COMT: variants seen among roughly 807,000 people sequenced by gnomAD.
The protein encoded by COMT is catechol-O-methyltransferase, also known as catechol O-methyltransferase.
Under a neutral mutation model 18.9 loss-of-function variants are expected in COMT, and 13 were observed. The observed-to-expected ratio is 0.69, with a 90% CI of 0.45 to 1.09. COMT has a LOEUF of 1.09. Among genes scored for constraint, COMT ranks in the 50% least tolerant of loss-of-function variants. The probability of loss-of-function intolerance (pLI) is 0.00; values close to 1 mark genes in which losing one functional copy is unlikely to be tolerated. For missense variants in COMT, 329 were observed against 361.8 expected, an observed-to-expected ratio of 0.91 and a Z score of 0.73; for synonymous variants, 150 against 160.9, an observed-to-expected ratio of 0.93 and a Z score of 0.51.
intron 1 of COMT, among the ~76,000 whole-genome samples, chr22:19,952,691 G>A (rs1216413053): frequency 2.0e-5 from 3 of 150,286 alleles, no homozygotes; most frequent in Non-Finnish European, 4.4e-5. Flanking sequence ...AGTGGCTCAC[G>A]CCTGTAATCC....
chr22:19,943,819 TGA>T (rs1337874698), intron 1 of COMT, among the ~76,000 whole-genome samples: 1 of 152,116 alleles, frequency 6.6e-6, no homozygotes, highest in African/African-American at 2.4e-5. Context: ...GTGTGTGGTG[TGA>T]AGTCTGTGAT....
At chr22:19,959,752 G>A (rs1942149748) in intron 1 of COMT, among the ~76,000 whole-genome samples, 1 of 152,014 alleles carries the variant, frequency 6.6e-6, no homozygotes, top group South Asian at 2.1e-4. Flanking sequence ...CTGCATTGTG[G>A]CCTGGGCGTG....
rs995362599 is a variant in COMT at position 19,969,130 on chromosome 22, G to A, written c.*394G>A. 1.0e-4 allele frequency: 21 copies of A among 204,542 alleles called. No individual in the cohort carries two copies. Among genetic ancestry groups the A allele is most frequent in the Admixed American group, 1.1e-4 (2 of 18,326 alleles). The allele number at this position is 204,542 out of a possible 1,614,324, so 12.7% of individuals were successfully genotyped here. On this transcript the variant is annotated 3_prime_UTR_variant, in exon 6 of 6. Coordinates refer to ENST00000361682, the MANE Select transcript of COMT (RefSeq NM_000754.4). Reference sequence around the variant, plus strand: ...CTTGACGGACGCTAACGCTAAGGGCGGGGCCCCTAGCTGGCTGGGTTCTGG... The same window carrying A: ...CTTGACGGACGCTAACGCTAAGGGCAGGGCCCCTAGCTGGCTGGGTTCTGG...
In COMT at chr22:19,941,917, C is replaced by T. The variant is rs1420834322; in HGVS notation, c.-92+20C>T. ...GGAGAGGTGAGAGCGCTGGCTAGAC[C>T]GGGGCCGAATGCGGCCGGATTCGGG... On this transcript the variant is annotated intron_variant, in intron 1 of 5. Transcript: ENST00000361682. 3 of 1,164,470 alleles carry T rather than the reference C, an allele frequency of 2.6e-6. No individual in the cohort carries two copies. Among genetic ancestry groups the T allele is most frequent in the East Asian group, 3.3e-5 (1 of 30,306 alleles). The allele number at this position is 1,164,470 out of a possible 1,614,324, so 72.1% of individuals were successfully genotyped here.
At chr22:19,958,264 AGGT>A (rs1280250385) in intron 1 of COMT, among the ~76,000 whole-genome samples, 1 of 150,970 alleles carries the variant, frequency 6.6e-6, no homozygotes, top group Non-Finnish European at 1.5e-5. Flanking sequence ...TCCTGGGCTC[AGGT>A]GATCCTCCCG....
At chr22:19,954,699 C>T (rs968376835) in intron 1 of COMT, among the ~76,000 whole-genome samples, 6 of 152,072 alleles carry the variant, frequency 3.9e-5, no homozygotes, top group Non-Finnish European at 7.4e-5. Context: ...GTGATCCACC[C>T]GCCTCAGCCT....
At position 19,950,634 on chromosome 22, in the gene COMT, A is replaced by G. The variant is rs571516258; in HGVS notation, c.-92+8737A>G. Among the ~76,000 whole-genome samples, 25 of 151,898 alleles carry G rather than the reference A, an allele frequency of 1.6e-4. No homozygotes were observed. The South Asian group carries it at 5.2e-3, about 32-fold the overall frequency. On this transcript the variant is annotated intron_variant, in intron 1 of 5. Coordinates refer to ENST00000361682, the MANE Select transcript of COMT (RefSeq NM_000754.4). ...GGACCGTGGGGAGTTGAGGGGCTGG[A>G]GGGGGAAGAGAGAGGCCTGCAGCGG...
intron 1 of COMT, among the ~76,000 whole-genome samples, chr22:19,957,654 A>G (rs740603): frequency 0.48 from 73,355 of 152,124 alleles, 18,028 homozygotes; most frequent in Middle Eastern, 0.56. Context: ...ATGCCCTCAC[A>G]CGTGCATCTG....
chr22:19,969,362 T>A lies in COMT; in HGVS notation c.*626T>A, dbSNP rs35478083. 1 of 153,312 alleles carries A rather than the reference T, an allele frequency of 6.5e-6. No homozygotes were observed. The highest frequency in any genetic ancestry group is 2.0e-4 in the South Asian group (1 of 4,884). The allele number at this position is 153,312 out of a possible 1,614,324, so 9.5% of individuals were successfully genotyped here. A position where few individuals can be genotyped will look rare whatever the true frequency, so the allele number is the denominator to read the frequency against. On this transcript the variant is annotated 3_prime_UTR_variant, in exon 6 of 6. Transcript: ENST00000361682. ...GCAGCACCAGCCCCTCTGGGCCCCA[T>A]GTGGCACAGAGTGGAAGCATCTCCT...
At chr22:19,945,790 C>T (rs991497488) in intron 1 of COMT, among the ~76,000 whole-genome samples, 2 of 152,066 alleles carry the variant, frequency 1.3e-5, no homozygotes, top group Non-Finnish European at 1.5e-5. Context: ...CTCAGCCTCC[C>T]GAGTAGCTGG....
chr22:19,967,379 G>A (rs1569136937), intron 5 of COMT: 5 of 485,684 alleles, frequency 1.0e-5, no homozygotes, highest in Admixed American at 2.4e-5. Flanking sequence ...CTTTTCAGCT[G>A]ACATTGCTAG....
At chr22:19,960,260 T>A (rs1601524046) in intron 1 of COMT, among the ~76,000 whole-genome samples, 1 of 152,252 alleles carries the variant, frequency 6.6e-6, no homozygotes, top group African/African-American at 2.4e-5. Flanking sequence ...CACTGTTTTT[T>A]AAATATGGAG....
intron 3 of COMT, 64 bp downstream of exon 3, chr22:19,962,879 C>T: frequency 3.9e-6 from 6 of 1,546,612 alleles, no homozygotes; most frequent in South Asian, 1.2e-5. Context: ...CATCAAAGCC[C>T]TTACAGGAGA....
intron 1 of COMT, among the ~76,000 whole-genome samples, chr22:19,956,277 G>T (rs1942059966): frequency 6.7e-6 from 1 of 149,258 alleles, no homozygotes; most frequent in African/African-American, 2.5e-5. Context: ...GAGTAACCAG[G>T]ACTACAGGCA....
At chr22:19,949,352 G>T (rs1279066004) in intron 1 of COMT, among the ~76,000 whole-genome samples, 1 of 152,010 alleles carries the variant, frequency 6.6e-6, no homozygotes, top group African/African-American at 2.4e-5. Context: ...TGTTTCCCAG[G>T]CTTGTCTCGA....
chr22:19,941,910 G>T lies in COMT; in HGVS notation c.-92+13G>T. On this transcript the variant is annotated intron_variant, in intron 1 of 5. Coordinates refer to ENST00000361682, the MANE Select transcript of COMT (RefSeq NM_000754.4). ...CGTCGCGGGAGAGGTGAGAGCGCTG[G>T]CTAGACCGGGGCCGAATGCGGCCGG... 1 of 1,213,390 alleles carries T rather than the reference G, an allele frequency of 8.2e-7. No homozygotes were observed. The highest frequency in any genetic ancestry group is 1.1e-6 in the Non-Finnish European group (1 of 936,442). 75.2% of individuals were successfully genotyped at this position (1,213,390 alleles called of 1,614,324 possible). A position where few individuals can be genotyped will look rare whatever the true frequency, so the allele number is the denominator to read the frequency against.
Position 19,941,813 on chromosome 22 carries a change from G to C in COMT, c.-176G>C, listed in dbSNP as rs1344838549. 1.8e-5 allele frequency: 28 copies of C among 1,530,020 alleles called. No individual in the cohort carries two copies. Among genetic ancestry groups the C allele is most frequent in the Non-Finnish European group, 2.1e-5 (24 of 1,149,426 alleles). The allele number at this position is 1,530,020 out of a possible 1,614,324, so 94.8% of individuals were successfully genotyped here. Reference sequence around the variant, plus strand: ...CCGCCATTGCCGCCATCGTCGTGGGGCTTCTGGGGCAGCTAGGGCTGCCCG... The same window carrying C: ...CCGCCATTGCCGCCATCGTCGTGGGCCTTCTGGGGCAGCTAGGGCTGCCCG... On this transcript the variant is annotated 5_prime_UTR_variant, in exon 1 of 6. Transcript: ENST00000361682.
chr22:19,958,502 C>T (rs1942114232), intron 1 of COMT, among the ~76,000 whole-genome samples: 1 of 150,394 alleles, frequency 6.6e-6, no homozygotes, highest in Non-Finnish European at 1.5e-5. Context: ...AAACTGTTTT[C>T]CACGGCATTC....
chr22:19,967,306 G>A (rs1942458842), intron 5 of COMT: 2 of 980,510 alleles, frequency 2.0e-6, no homozygotes, highest in African/African-American at 3.4e-5. Flanking sequence ...CAGACTGGAA[G>A]GCAGCCGCCC....
Sources: gnomAD v4.1 joint callset for allele counts (sites outside exome capture counted in the v4.1 genomes callset) on GRCh38, gnomAD v4.1.1 for gene constraint, MANE v1.5 for transcripts, NCBI Gene and HGNC (gene_info 2026-07-23, HGNC 2026-07-21) for gene names.